Variants in HBG2 observed in about 807,000 individuals in gnomAD.
HBG2 encodes the protein hemoglobin subunit gamma-2.
For missense variants in HBG2, 59 were observed against 155.7 expected (o/e 0.38, Z 3.31); for synonymous variants, 25 against 63.2 (o/e 0.40, Z 2.87).
intron 2 of HBG2, among the ~76,000 whole-genome samples, chr11:5,253,990 A>G: frequency 6.6e-6 from 1 of 151,956 alleles, no homozygotes; most frequent in East Asian, 1.9e-4. Flanking sequence ...TTTAAAACGA[A>G]TAACAAAAAT....
chr11:5,254,098 A>G (rs189978496), intron 2 of HBG2, among the ~76,000 whole-genome samples, 194 bp downstream of exon 2: 44 of 151,974 alleles, frequency 2.9e-4, no homozygotes, highest in Non-Finnish European at 8.8e-5. Flanking sequence ...TTGTCCATCT[A>G]GATTTTCAGA....
chr11:5,253,261 A>G lies in HBG2; in HGVS notation c.*16T>C. 1 of 1,614,034 alleles carries G rather than the reference A, an allele frequency of 6.2e-7. No individual in the cohort carries two copies. Among genetic ancestry groups the G allele is most frequent in the South Asian group, 1.1e-5 (1 of 91,070 alleles). On this transcript the variant is annotated 3_prime_UTR_variant, in exon 3 of 3. Coordinates refer to ENST00000336906, the MANE Select transcript of HBG2 (RefSeq NM_000184.3). ...TAAAGCCTATCCTTGAAAGCTCTGC[A>G]TCATGGGCAGTGAGCTCAGTGGTAT...
intron 2 of HBG2, 35 bp downstream of exon 2, chr11:5,254,257 A>G (rs771957886): frequency 1.2e-6 from 2 of 1,613,584 alleles, no homozygotes; most frequent in Non-Finnish European, 1.7e-6. Flanking sequence ...CCTCGAGACT[A>G]AAGGCAACAG....
At position 5,253,200 on chromosome 11, in the gene HBG2, T is replaced by C. The variant is rs769706828; in HGVS notation, c.*77A>G. 75 of 1,596,714 alleles carry C rather than the reference T, an allele frequency of 4.7e-5. No homozygotes were observed. The highest frequency in any genetic ancestry group is 1.9e-4 in the African/African-American group (14 of 73,524). ...CTGAAGACAACCATGTGTGATCTCT[T>C]AGCAGAATAGATTTATTATTTGATT... On this transcript the variant is annotated 3_prime_UTR_variant, in exon 3 of 3. Coordinates refer to ENST00000336906, the MANE Select transcript of HBG2 (RefSeq NM_000184.3).
chr11:5,253,878 T>A (rs1390696530), intron 2 of HBG2, among the ~76,000 whole-genome samples: 3 of 152,218 alleles, frequency 2.0e-5, no homozygotes, highest in Non-Finnish European at 4.4e-5. Context: ...GCCTTAGCAA[T>A]GTATGTTTGG....
At chr11:5,254,033 C>A (rs1330049563) in intron 2 of HBG2, among the ~76,000 whole-genome samples, 1 of 151,796 alleles carries the variant, frequency 6.6e-6, no homozygotes, top group Non-Finnish European at 1.5e-5. Context: ...CTACCGAAAT[C>A]TAATAAAGAA....
chr11:5,253,323 T>G lies in HBG2; in HGVS notation c.398A>C (p.Lys133Thr), dbSNP rs1361182977. 6.2e-7 allele frequency: 1 copy of G among 1,613,968 alleles called. No individual in the cohort carries two copies. The highest frequency in any genetic ancestry group is 1.3e-5 in the African/African-American group (1 of 74,924). The change falls in exon 3 of 3, where the codon AAG becomes ACG. Residue 133 changes from lysine (K) to threonine (T), a missense_variant. Coordinates refer to ENST00000336906, the MANE Select transcript of HBG2 (RefSeq NM_000184.3). ...GGCACTGGCCACTCCAGTCACCATCTTCTGCCAGGAAGCCTGCACCTCAGG... is the reference window on the plus strand; with the variant it reads ...GGCACTGGCCACTCCAGTCACCATCGTCTGCCAGGAAGCCTGCACCTCAGG... Reference protein sequence around the residue: ...FTPEVQASWQKMVTGVASALS... With the variant: ...FTPEVQASWQTMVTGVASALS...
chr11:5,254,113 C>T (rs11036476), intron 2 of HBG2, among the ~76,000 whole-genome samples, 179 bp downstream of exon 2: 65,121 of 150,444 alleles, frequency 0.43, 15,705 homozygotes, highest in East Asian at 0.77. Context: ...TTCAGAGGCA[C>T]TCCTTAGGCC....
intron 2 of HBG2, among the ~76,000 whole-genome samples, chr11:5,253,719 C>CACACACACACACAG (rs1249932162): frequency 4.6e-5 from 7 of 150,754 alleles, no homozygotes; most frequent in African/African-American, 1.7e-4. Context: ...CACACACACA[C>CACACACACACACAG]AGAGCTGACT....
Position 5,253,248 on chromosome 11 carries a change from T to C in HBG2, c.*29A>G. 1 of 1,613,816 alleles carries C rather than the reference T, an allele frequency of 6.2e-7. No individual in the cohort carries two copies. Among genetic ancestry groups the C allele is most frequent in the Non-Finnish European group, 8.5e-7 (1 of 1,179,728 alleles). On this transcript the variant is annotated 3_prime_UTR_variant, in exon 3 of 3. Coordinates refer to ENST00000336906, the MANE Select transcript of HBG2 (RefSeq NM_000184.3). Reference sequence around the variant, plus strand: ...ATTGCTTGCAGAATAAAGCCTATCCTTGAAAGCTCTGCATCATGGGCAGTG... The same window carrying C: ...ATTGCTTGCAGAATAAAGCCTATCCCTGAAAGCTCTGCATCATGGGCAGTG...
rs551397995 is a variant in HBG2, at chr11:5,253,923, A to G, written c.315+369T>C. On this transcript the variant is annotated intron_variant, in intron 2 of 2. Transcript: ENST00000336906. ...TTCCCCACTTTGACTGAGCCAATAT[A>G]TGCCTTCTGCCTGCATCTTTTTAAT... is the stretch of plus-strand genomic sequence containing the variant. Among the ~76,000 whole-genome samples, 283 of 152,172 alleles carry G rather than the reference A, an allele frequency of 1.9e-3. 2 individuals are homozygous for G. The highest frequency in any genetic ancestry group is 6.5e-3 in the African/African-American group (269 of 41,452).
rs1418533123 is a variant in HBG2 at position 5,253,287 on chromosome 11, C to T, written c.434G>A (p.Arg145Lys). Residue 145 changes from arginine to lysine, a missense_variant, in exon 3 of 3, where the codon AGA becomes AAA. Physicochemically the swap from Arg to Lys is conservative, Grantham distance 26. Transcript: ENST00000336906. ...VTGVASALSSRYH is the reference protein window; with the variant it reads ...VTGVASALSSKYH ...TCATGGGCAGTGAGCTCAGTGGTAT[C>T]TGGAGGACAGGGCACTGGCCACTCC... 3.7e-6 allele frequency: 6 copies of T among 1,614,088 alleles called. No individual in the cohort carries two copies. The highest frequency in any genetic ancestry group is 5.1e-6 in the Non-Finnish European group (6 of 1,179,976).
rs1347472220 is a variant in HBG2, at chr11:5,253,422, A to T, written c.316-17T>A. On this transcript the variant is annotated splice_polypyrimidine_tract_variant and intron_variant, in intron 2 of 2. Transcript: ENST00000336906. The stretch of plus-strand genomic sequence containing the variant: ...TCCCAGGAGCTGTTGAGATGAAAGG[A>T]GACAATAAAGATGAACCCATAGTGA... The T allele has an allele frequency of 6.2e-7, 1 of 1,609,546 alleles. No individual in the cohort carries two copies. The highest frequency in any genetic ancestry group is 8.5e-7 in the Non-Finnish European group (1 of 1,176,156).
chr11:5,254,228 T>C, intron 2 of HBG2, 64 bp downstream of exon 2: 1 of 1,609,250 alleles, frequency 6.2e-7, no homozygotes. Context: ...CTCAGATCAA[T>C]ACTCAGTTGT....
rs778553242 is a variant in HBG2, at chr11:5,254,253, G to A, written c.315+39C>T. 17 of 1,613,892 alleles carry A rather than the reference G, an allele frequency of 1.1e-5. No individual in the cohort carries two copies. In the East Asian group the frequency reaches 3.6e-4, roughly 34 times the overall value. ...TACTCAGTTGTCTAAGTTGCCTCGA[G>A]ACTAAAGGCAACAGTGCTGAAACAT... On this transcript the variant is annotated intron_variant, in intron 2 of 2. Transcript: ENST00000336906.
chr11:5,254,105 C>T (rs1275080889), intron 2 of HBG2, among the ~76,000 whole-genome samples, 187 bp downstream of exon 2: 14 of 151,816 alleles, frequency 9.2e-5, no homozygotes, highest in South Asian at 6.2e-4. Flanking sequence ...TCTAGATTTT[C>T]AGAGGCACTC....
chr11:5,253,719 C>CACACACACACACACACAG (rs1249932162), intron 2 of HBG2, among the ~76,000 whole-genome samples: 1 of 150,638 alleles, frequency 6.6e-6, no homozygotes, highest in South Asian at 2.1e-4. Context: ...CACACACACA[C>CACACACACACACACACAG]AGAGCTGACT....
In HBG2 at chr11:5,253,190, T is replaced by C; in HGVS notation, c.*87A>G. 2 of 1,587,766 alleles carry C rather than the reference T, an allele frequency of 1.3e-6. No individual in the cohort carries two copies. Among genetic ancestry groups the C allele is most frequent in the East Asian group, 4.5e-5 (2 of 44,570 alleles). On this transcript the variant is annotated 3_prime_UTR_variant, in exon 3 of 3. Transcript: ENST00000336906. ...AAAAAAAGAACTGAAGACAACCATG[T>C]GTGATCTCTTAGCAGAATAGATTTA...
At chr11:5,253,697 C>T (rs1222204558) in intron 2 of HBG2, among the ~76,000 whole-genome samples, 6 of 103,710 alleles carry the variant, frequency 5.8e-5, no homozygotes, top group East Asian at 4.7e-4. Context: ...AACACACGCG[C>T]GCACACACAC....
Sources: gnomAD v4.1 joint callset for allele counts (sites outside exome capture counted in the v4.1 genomes callset) on GRCh38, gnomAD v4.1.1 for gene constraint, MANE v1.5 for transcripts, NCBI Gene and HGNC (gene_info 2026-07-23, HGNC 2026-07-21) for gene names.